The following INSRR variants were observed in gnomAD, a reference collection of about 807,000 sequenced individuals.
INSRR encodes the protein insulin receptor related receptor, also known as insulin receptor-related protein.
In INSRR, 114 loss-of-function variants were observed where a neutral mutation model predicts 130.0. The observed-to-expected ratio is 0.88, with a 90% CI of 0.75 to 1.02. INSRR has a LOEUF of 1.02. INSRR is among the 50% of genes least tolerant of loss of function. INSRR has a pLI of 0.00. For synonymous variants in INSRR, 674 were observed against 705.2 expected, an observed-to-expected ratio of 0.96 and a Z score of 0.70; for missense variants, 1,657 against 1,735.2, an observed-to-expected ratio of 0.95 and a Z score of 0.80.
Position 156,841,518 on chromosome 1 carries a change from C to G in INSRR, c.3538G>C (p.Val1180Leu), listed in dbSNP as rs778144377. The G allele has an allele frequency of 5.6e-6, 9 of 1,613,886 alleles. No homozygotes were observed. Among genetic ancestry groups the G allele is most frequent in the Non-Finnish European group, 7.6e-6 (9 of 1,179,978 alleles). The change falls in exon 21 of 22, where the codon GTG becomes CTG. Residue 1180 changes from valine (V) to leucine (L), a missense_variant. By Grantham distance (32) the Val-to-Leu change is conservative. Transcript: ENST00000368195. Reference sequence around the variant, plus strand: ...AGGGTCACAATCTCCCAGAGTACCACGCCAAAGGACCTGGGGGCATGCAGG... The same window carrying G: ...AGGGTCACAATCTCCCAGAGTACCAGGCCAAAGGACCTGGGGGCATGCAGG... ...TTHSDVWSFG[V>L]VLWEIVTLAE...
chr1:156,847,682 C>T (rs1222596549), intron 7 of INSRR, among the ~76,000 whole-genome samples: 2 of 151,676 alleles, frequency 1.3e-5, no homozygotes, highest in Non-Finnish European at 2.9e-5. Flanking sequence ...GGGGTGGGGG[C>T]TCATAGTGGG....
rs777550620 is a variant in INSRR at position 156,843,482 on chromosome 1, G to C, written c.2844-3C>G. ...CAGAAGCATACAGGGTTCTGTTTCT[G>C]CAACGGGAGGTGAGGGGGTCAGGCT... On this transcript the variant is annotated splice_region_variant and splice_polypyrimidine_tract_variant and intron_variant, in intron 15 of 21. Coordinates refer to ENST00000368195, the MANE Select transcript of INSRR (RefSeq NM_014215.3). 1 of 1,614,176 alleles carries C rather than the reference G, an allele frequency of 6.2e-7. No homozygotes were observed. The highest frequency in any genetic ancestry group is 1.1e-5 in the South Asian group (1 of 91,074).
rs372329556 is a variant in INSRR, at chr1:156,844,261, C to T, written c.2757G>A (p.Gly919=). The change falls in exon 15 of 22, where the codon GGG becomes GGA. Residue 919 remains glycine, a synonymous_variant. Transcript: ENST00000368195. The part of the protein sequence containing the change: ...ILGPEEEDAG[G]LHVLLTATPV... ...GGGTGGCAGTGAGGAGGACATGCAG[C>T]CCCCCAGCATCCTCCTCCTCTGGCA... 49 of 1,612,890 alleles carry T rather than the reference C, an allele frequency of 3.0e-5. No homozygotes were observed. The South Asian group carries it at 3.8e-4, about 13-fold the overall frequency.
chr1:156,848,148 G>C (rs555854518), intron 7 of INSRR, among the ~76,000 whole-genome samples: 31 of 152,198 alleles, frequency 2.0e-4, no homozygotes, highest in South Asian at 1.9e-3. Flanking sequence ...CTGAGACCTA[G>C]GAGGGTCTCG....
chr1:156,852,625 C>T (rs994196942), intron 2 of INSRR, among the ~76,000 whole-genome samples: 2 of 152,220 alleles, frequency 1.3e-5, no homozygotes, highest in Non-Finnish European at 2.9e-5. Flanking sequence ...TTTACCCATG[C>T]TCCTGCCCAT....
rs1654744379 is a variant in INSRR at position 156,840,778 on chromosome 1, G to T, written c.*95C>A. 3.1e-6 allele frequency: 3 copies of T among 970,206 alleles called. No individual in the cohort carries two copies. The South Asian group carries it at 4.3e-5, about 14-fold the overall frequency. The allele number at this position is 970,206 out of a possible 1,614,324, so 60.1% of individuals were successfully genotyped here. The stretch of plus-strand genomic sequence containing the variant: ...CACCCTCGGCCATCCCTTGCCCTGA[G>T]TTGGGGTGGGGGTGAACATTCAGGC... On this transcript the variant is annotated 3_prime_UTR_variant, in exon 22 of 22. Transcript: ENST00000368195.
Position 156,858,811 on chromosome 1 carries a change from CAA to C in INSRR, c.-192_-191del, listed in dbSNP as rs1361277205. ...AAAAGAAATGAGAGTCACAGAGACA[CAA>C]AGACAGTGACAGGCAGTTGGAGACA... On this transcript the variant is annotated 5_prime_UTR_variant, in exon 1 of 22. It introduces an in-frame stop codon into an upstream open reading frame of the 5' UTR. Transcript: ENST00000368195. 1.7e-6 allele frequency: 1 copy of C among 605,896 alleles called. No individual in the cohort carries two copies. Among genetic ancestry groups the C allele is most frequent in the Non-Finnish European group, 3.0e-6 (1 of 338,266 alleles). The allele number at this position is 605,896 out of a possible 1,614,324, so 37.5% of individuals were successfully genotyped here.
rs180942214 is a variant in INSRR at position 156,842,068 on chromosome 1, C to T, written c.3397+44G>A. On this transcript the variant is annotated intron_variant, in intron 19 of 21. Transcript: ENST00000368195. ...CCTGATGCCTAGCTTAAGGGAGTCT[C>T]TCTACTTTTCAGGCCGCCCTCATCT... 4 of 1,611,358 alleles carry T rather than the reference C, an allele frequency of 2.5e-6. No individual in the cohort carries two copies. The South Asian group carries it at 3.3e-5, about 13-fold the overall frequency.
At position 156,840,616 on chromosome 1, in the gene INSRR, T is replaced by A. The variant is rs1354227036; in HGVS notation, c.*257A>T. The A allele has an allele frequency of 5.6e-6, 3 of 535,774 alleles. No homozygotes were observed. The highest frequency in any genetic ancestry group is 1.9e-5 in the African/African-American group (1 of 52,552). 33.2% of individuals were successfully genotyped at this position (535,774 alleles called of 1,614,324 possible). On this transcript the variant is annotated 3_prime_UTR_variant, in exon 22 of 22. Transcript: ENST00000368195. ...GGTCCCTACCTCTGAGGGCAGGACA[T>A]CTCTCCCTGACCTGATCTCTACTCC...
intron 7 of INSRR, 31 bp downstream of exon 7, chr1:156,848,889 GC>G: frequency 2.0e-6 from 3 of 1,506,710 alleles, no homozygotes; most frequent in Non-Finnish European, 2.7e-6. Flanking sequence ...GTCCGGTCCC[GC>G]CCCCGCTCCG....
In INSRR at chr1:156,844,541, G is replaced by A; in HGVS notation, c.2658C>T (p.Tyr886=). Residue 886 remains tyrosine, a synonymous_variant, in exon 14 of 22, where the codon TAC becomes TAT. Coordinates refer to ENST00000368195, the MANE Select transcript of INSRR (RefSeq NM_014215.3). ...GTGAGGTTGCCCTAACCCTGGCAGA[G>A]TAGTTTCCAGGGGGCAGCAGGGCCA... ...VHLALLPPGN[Y]SARVRATSLA... is the part of the protein sequence containing the mutation. The A allele has an allele frequency of 6.2e-7, 1 of 1,614,198 alleles. No individual in the cohort carries two copies. Among genetic ancestry groups the A allele is most frequent in the Non-Finnish European group, 8.5e-7 (1 of 1,180,042 alleles).
chr1:156,851,490 G>A, intron 4 of INSRR, 56 bp from the exon 5 acceptor site: 1 of 1,610,236 alleles, frequency 6.2e-7, no homozygotes, highest in Non-Finnish European at 8.5e-7. Context: ...GGGTCTGTGG[G>A]GCAAGGGGGC....
chr1:156,845,854 C>T (rs1390761309), intron 9 of INSRR, 40 bp from the exon 10 acceptor site: 2 of 1,578,370 alleles, frequency 1.3e-6, no homozygotes, highest in Non-Finnish European at 1.7e-6. Context: ...GACAGGCGGT[C>T]TACCCGCCTC....
rs908345576 is a variant in INSRR at position 156,854,528 on chromosome 1, C to G, written c.86-225G>C. Among the ~76,000 whole-genome samples the G allele has an allele frequency of 2.6e-5, 4 of 152,158 alleles. No individual in the cohort carries two copies. The highest frequency in any genetic ancestry group is 5.9e-5 in the Non-Finnish European group (4 of 68,014). ...CACAGGCAAAAATGAACTCCTGATC[C>G]TCTCTCCCAAGCCCATCTCCCCTTC... On this transcript the variant is annotated intron_variant, in intron 1 of 21. Transcript: ENST00000368195. This position sits in a 1 kb window ranked among gnomAD's most constrained non-coding sequence, Gnocchi z 4.2.
chr1:156,842,277 G>A lies in INSRR; in HGVS notation c.3238-6C>T, dbSNP rs756395014. Reference sequence around the variant, plus strand: ...TGTGGGAGCCCAGGGTTGTTCTAGAGCCAAGATTGGGGGCTGGTGAGGAAG... The same window carrying A: ...TGTGGGAGCCCAGGGTTGTTCTAGAACCAAGATTGGGGGCTGGTGAGGAAG... On this transcript the variant is annotated splice_region_variant and splice_polypyrimidine_tract_variant and intron_variant, in intron 18 of 21. Transcript: ENST00000368195. 9.3e-6 allele frequency: 15 copies of A among 1,613,880 alleles called. No homozygotes were observed. Among genetic ancestry groups the A allele is most frequent in the Non-Finnish European group, 1.1e-5 (13 of 1,179,940 alleles).
At position 156,841,400 on chromosome 1, in the gene INSRR, A is replaced by G; in HGVS notation, c.3656T>C (p.Leu1219Pro). Residue 1219 changes from leucine (L) to proline (P), a missense_variant, in exon 21 of 22, where the codon CTT becomes CCT. Leu to Pro is a moderately conservative substitution (Grantham distance 98). Coordinates refer to ENST00000368195, the MANE Select transcript of INSRR (RefSeq NM_014215.3). ...GVLEELEGCP[L>P]QLQELMSRCW... Reference sequence around the variant, plus strand: ...GGCAGGGGAGGTGACTCACAGCTGAAGGGGACAGCCCTCCAGCTCCTCCAG... The same window carrying G: ...GGCAGGGGAGGTGACTCACAGCTGAGGGGGACAGCCCTCCAGCTCCTCCAG... The G allele has an allele frequency of 3.1e-6, 5 of 1,613,724 alleles. No homozygotes were observed. The highest frequency in any genetic ancestry group is 3.4e-6 in the Non-Finnish European group (4 of 1,179,794).
Position 156,854,863 on chromosome 1 carries a change from C to A in INSRR, c.86-560G>T, listed in dbSNP as rs1655352111. ...AAAACACAGATGGATCACGTTTCTC[C>A]TCTGCTTATAACCCCCCGTGACTTC... is the stretch of plus-strand genomic sequence containing the variant. On this transcript the variant is annotated intron_variant, in intron 1 of 21. Coordinates refer to ENST00000368195, the MANE Select transcript of INSRR (RefSeq NM_014215.3). This position sits in a 1 kb window ranked among gnomAD's most constrained non-coding sequence, Gnocchi z 4.2. 6.6e-6 allele frequency among the ~76,000 whole-genome samples: 1 copy of A among 152,148 alleles called. No individual in the cohort carries two copies. The highest frequency in any genetic ancestry group is 2.4e-5 in the African/African-American group (1 of 41,434).
rs111286511 is a variant in INSRR, at chr1:156,849,223, C to A, written c.1444+23G>T. The A allele has an allele frequency of 4.4e-5, 71 of 1,611,800 alleles. No individual in the cohort carries two copies. The African/African-American group carries it at 7.6e-4, about 17-fold the overall frequency. ...GTCTAGTGTGTGGCCGCGTGTCCAC[C>A]GGCACTGGGGTTGGGGTCTCACAGG... On this transcript the variant is annotated intron_variant, in intron 6 of 21. Coordinates refer to ENST00000368195, the MANE Select transcript of INSRR (RefSeq NM_014215.3).
rs139192917 is a variant in INSRR at position 156,841,722 on chromosome 1, C to T, written c.3470G>A (p.Arg1157His). 146 of 1,614,040 alleles carry T rather than the reference C, an allele frequency of 9.0e-5. No individual in the cohort carries two copies. Among genetic ancestry groups the T allele is most frequent in the Middle Eastern group, 1.6e-4 (1 of 6,084 alleles). ...TTTGAGGGACTCGGGGGCCATCCAGCGCACGGGCAGCAGCCCCTTCCCACC... is the reference window on the plus strand; with the variant it reads ...TTTGAGGGACTCGGGGGCCATCCAGTGCACGGGCAGCAGCCCCTTCCCACC... Reference protein sequence around the residue: ...RKGGKGLLPVRWMAPESLKDG... With the variant: ...RKGGKGLLPVHWMAPESLKDG... The change falls in exon 20 of 22, where the codon CGC (arginine) becomes CAC (histidine). Residue 1157 changes from arginine (R) to histidine (H), a missense_variant. Arg to His is a conservative substitution (Grantham distance 29). Coordinates refer to ENST00000368195, the MANE Select transcript of INSRR (RefSeq NM_014215.3).
Sources: gnomAD v4.1 joint callset for allele counts (sites outside exome capture counted in the v4.1 genomes callset) on GRCh38, gnomAD v4.1.1 for gene constraint, Gnocchi (gnomAD v3.1) non-coding constraint, MANE v1.5 for transcripts, NCBI Gene and HGNC (gene_info 2026-07-23, HGNC 2026-07-21) for gene names.